Variants in BMP1 observed in about 807,000 individuals in gnomAD.
The protein encoded by BMP1 is bone morphogenetic protein 1, also known as mammalian tolloid protein.
Under a neutral mutation model 116.8 loss-of-function variants are expected in BMP1, and 63 were observed. That is an observed-to-expected ratio of 0.54 (90% CI 0.44 to 0.67). BMP1 has a LOEUF of 0.67. BMP1 is among the 30% of genes least tolerant of loss of function. The probability of loss-of-function intolerance (pLI) is 0.00; values close to 1 mark genes in which losing one functional copy is unlikely to be tolerated. For synonymous variants in BMP1, 536 were observed against 533.4 expected (o/e 1.00, Z -0.07); for missense variants, 1,183 against 1,358.9 (o/e 0.87, Z 2.04).
At chr8:22,199,656 G>T (rs749908178) in intron 15 of BMP1, among the ~76,000 whole-genome samples, 17 of 152,212 alleles carry the variant, frequency 1.1e-4, no homozygotes, top group Non-Finnish European at 1.6e-4. Context: ...TGGAGCGAAG[G>T]CTTTGCTCAG....
chr8:22,166,580 T>C (rs1320224714), intron 1 of BMP1, among the ~76,000 whole-genome samples: 1 of 152,080 alleles, frequency 6.6e-6, no homozygotes, highest in Non-Finnish European at 1.5e-5. Context: ...TGACTTCAGC[T>C]CATCTCCAAA....
chr8:22,210,304 TG>T (rs1366894471), intron 19 of BMP1, among the ~76,000 whole-genome samples: 2 of 151,722 alleles, frequency 1.3e-5, no homozygotes, highest in Non-Finnish European at 2.9e-5. Flanking sequence ...CCTAAGGACA[TG>T]GGCTAGCCTC....
intron 15 of BMP1, chr8:22,201,141 C>A: frequency 6.2e-7 from 1 of 1,613,452 alleles, no homozygotes; most frequent in Non-Finnish European, 8.5e-7. Flanking sequence ...TCTGCAGCCC[C>A]CTCGGGGACG....
chr8:22,210,468 T>TCTCTCACACACACA (rs10664439), intron 19 of BMP1, among the ~76,000 whole-genome samples: 4,146 of 135,382 alleles, frequency 0.031, 160 homozygotes, highest in African/African-American at 0.088. Context: ...TCTCTCTCTC[T>TCTCTCACACACACA]CACACACATA....
chr8:22,173,483 G>T, intron 1 of BMP1, 119 bp from the exon 2 acceptor site: 1 of 623,324 alleles, frequency 1.6e-6, no homozygotes, highest in South Asian at 2.4e-5. Flanking sequence ...TGGCATTTGA[G>T]GATCACAGTC....
chr8:22,169,171 AG>A (rs1470867863), intron 1 of BMP1, among the ~76,000 whole-genome samples: 1 of 147,962 alleles, frequency 6.8e-6, no homozygotes, highest in Non-Finnish European at 1.5e-5. Flanking sequence ...TGGGTGACAA[AG>A]CAAGACTCTG....
chr8:22,211,555 C>T (rs1017284537), intron 19 of BMP1, 39 bp from the exon 20 acceptor site: 7 of 1,613,150 alleles, frequency 4.3e-6, no homozygotes, highest in Non-Finnish European at 4.2e-6. Flanking sequence ...AGCCCCAGCC[C>T]CTCTTCCTCC....
At chr8:22,210,199 C>G (rs1829436541) in intron 19 of BMP1, among the ~76,000 whole-genome samples, 1 of 152,218 alleles carries the variant, frequency 6.6e-6, no homozygotes, top group African/African-American at 2.4e-5. Flanking sequence ...AAAGCTCTTG[C>G]TGCTGCTGTC....
At chr8:22,168,394 G>A (rs550842686) in intron 1 of BMP1, among the ~76,000 whole-genome samples, 4 of 152,238 alleles carry the variant, frequency 2.6e-5, no homozygotes, top group East Asian at 1.9e-4. Context: ...ACACCCCCCC[G>A]GAGAGACCTT....
chr8:22,176,905 A>C, intron 4 of BMP1, 56 bp from the exon 5 acceptor site: 1 of 1,352,048 alleles, frequency 7.4e-7, no homozygotes, highest in Non-Finnish European at 1.0e-6. Context: ...CCCGCCCCTG[A>C]GTGGATGCAC....
chr8:22,179,679 C>T lies in BMP1; in HGVS notation c.837-26C>T, dbSNP rs945833344. 11 of 1,613,178 alleles carry T rather than the reference C, an allele frequency of 6.8e-6. No homozygotes were observed. Among genetic ancestry groups the T allele is most frequent in the Admixed American group, 3.3e-5 (2 of 59,994 alleles). ...CTGCCCACTGTCCATGAGACGCTCACCCTTACTTTTCTCCCTCTTCTTCAG... is the reference window on the plus strand; with the variant it reads ...CTGCCCACTGTCCATGAGACGCTCATCCTTACTTTTCTCCCTCTTCTTCAG... On this transcript the variant is annotated intron_variant, in intron 6 of 19. Coordinates refer to ENST00000306385, the MANE Select transcript of BMP1 (RefSeq NM_006129.5). The surrounding 1 kb of genome is among the most constrained non-coding windows in gnomAD (Gnocchi z 4.6).
chr8:22,185,578 C>A (rs1255518850), intron 8 of BMP1, among the ~76,000 whole-genome samples: 1 of 152,102 alleles, frequency 6.6e-6, no homozygotes, highest in African/African-American at 2.4e-5. Flanking sequence ...GCCCTCATTC[C>A]CATCCCTGCC....
intron 5 of BMP1, 110 bp downstream of exon 5, chr8:22,177,249 G>A (rs1828472987): frequency 1.7e-6 from 2 of 1,185,242 alleles, no homozygotes; most frequent in Admixed American, 2.5e-5. Context: ...TCATCGCCTG[G>A]GCCCGCAGCG....
intron 8 of BMP1, among the ~76,000 whole-genome samples, chr8:22,189,274 G>A (rs774505749): frequency 1.3e-5 from 2 of 151,892 alleles, no homozygotes; most frequent in South Asian, 4.2e-4. Flanking sequence ...GTATGCACAC[G>A]TATATGGTCT....
intron 8 of BMP1, among the ~76,000 whole-genome samples, chr8:22,188,451 T>A (rs1828840596): frequency 6.6e-6 from 1 of 152,160 alleles, no homozygotes; most frequent in Admixed American, 6.5e-5. Context: ...ATTACAGGCA[T>A]AAGCCACCGC....
intron 15 of BMP1, among the ~76,000 whole-genome samples, chr8:22,200,522 G>A (rs1829228322): frequency 6.6e-6 from 1 of 152,140 alleles, no homozygotes; most frequent in Non-Finnish European, 1.5e-5. Context: ...TATGTGGTTG[G>A]CTGTGTCTGT....
intron 2 of BMP1, among the ~76,000 whole-genome samples, chr8:22,174,627 C>CTTTTTT (rs57781366): frequency 1.9e-4 from 20 of 106,264 alleles, no homozygotes; most frequent in African/African-American, 6.1e-4. Flanking sequence ...TTTTTTCTGT[C>CTTTTTT]TTTTTTTTTT....
Position 22,209,603 on chromosome 8 carries a change from G to A in BMP1, c.2734G>A (p.Glu912Lys), listed in dbSNP as rs1829424764. The change falls in exon 19 of 20, where the codon GAG (glutamate) becomes AAG (lysine). Residue 912 changes from glutamate to lysine, a missense_variant. By Grantham distance (56) the Glu-to-Lys change is moderately conservative (BLOSUM62 1). Around this residue, in one of 4 missense-constraint regions of BMP1, gnomAD observed 956 missense variants for 1,135.2 expected, o/e 0.84. Coordinates refer to ENST00000306385, the MANE Select transcript of BMP1 (RefSeq NM_006129.5). ...GCTCGTGTTCCAGACCTTTGAGGTGGAGGAGGAGACCGACTGCGGCTATGA... is the reference window on the plus strand; with the variant it reads ...GCTCGTGTTCCAGACCTTTGAGGTGAAGGAGGAGACCGACTGCGGCTATGA... ...VELVFQTFEV[E>K]EETDCGYDYM... 6.2e-7 allele frequency: 1 copy of A among 1,614,088 alleles called. No homozygotes were observed. The highest frequency in any genetic ancestry group is 8.5e-7 in the Non-Finnish European group (1 of 1,180,028).
rs1002817919 is a variant in BMP1 at position 22,188,971 on chromosome 8, G to C, written c.1078-3078G>C. Among the ~76,000 whole-genome samples, 4 of 152,192 alleles carry C rather than the reference G, an allele frequency of 2.6e-5. 1 individual carries two copies. In the South Asian group the frequency reaches 8.3e-4, roughly 32 times the overall value. On this transcript the variant is annotated intron_variant, in intron 8 of 19. Coordinates refer to ENST00000306385, the MANE Select transcript of BMP1 (RefSeq NM_006129.5). The stretch of plus-strand genomic sequence containing the variant: ...GAGGGTGTGAGTCAGGAGCCAGAGC[G>C]CCCTCACTCGGCCCTCTGCATCCCT...
Sources: gnomAD v4.1 joint callset for allele counts (sites outside exome capture counted in the v4.1 genomes callset) on GRCh38, gnomAD v4.1.1 for gene constraint, gnomAD v4.1.1 regional missense constraint, Gnocchi (gnomAD v3.1) non-coding constraint, MANE v1.5 for transcripts, NCBI Gene and HGNC (gene_info 2026-07-23, HGNC 2026-07-21) for gene names.